HMCN1: variants seen among roughly 807,000 people sequenced by gnomAD.
HMCN1 encodes the protein hemicentin 1.
HMCN1 carries 321 observed loss-of-function variants against 625.9 expected under a neutral mutation model. That is an observed-to-expected ratio of 0.51 (90% confidence interval 0.47 to 0.56). The LOEUF (loss-of-function observed/expected upper bound fraction) is 0.56, where lower values mean the gene tolerates loss of function less well. Among genes scored for constraint, HMCN1 ranks in the 20% least tolerant of loss-of-function variants. The pLI is 0.00. For synonymous variants in HMCN1, 2,425 were observed against 2,417.6 expected (o/e 1.00, Z -0.09); for missense variants, 6,588 against 6,887.3 (o/e 0.96, Z 1.54).
intron 1 of HMCN1, among the ~76,000 whole-genome samples, chr1:185,794,216 C>T (rs933492535): frequency 2.6e-5 from 4 of 152,114 alleles, no homozygotes; most frequent in Middle Eastern, 3.4e-3. Flanking sequence ...GCAAGAACAT[C>T]CTAACAAGTC....
intron 1 of HMCN1, among the ~76,000 whole-genome samples, chr1:185,792,530 G>A (rs931073252): frequency 6.6e-6 from 1 of 151,800 alleles, no homozygotes; most frequent in Non-Finnish European, 1.5e-5. Context: ...ATTCTATTCA[G>A]CCCCAGAATC....
chr1:185,876,363 A>T (rs1663930813), intron 4 of HMCN1, among the ~76,000 whole-genome samples: 1 of 152,048 alleles, frequency 6.6e-6, no homozygotes, highest in African/African-American at 2.4e-5. Flanking sequence ...TAGTGCTATG[A>T]TAAACATAGG....
In HMCN1 at chr1:186,189,698, G is replaced by A. The variant is rs749265997; in HGVS notation, c.16728G>A (p.Gln5576=). Residue 5576 remains glutamine (Q), a synonymous_variant, in exon 107 of 107, where the codon CAG becomes CAA. Transcript: ENST00000271588. The stretch of plus-strand genomic sequence containing the variant: ...CTTTCCTCATGGTAGATGAGGAACA[G>A]ACTGTTCCTTTTGCCTTGAGGGATG... ...RTTFLMVDEE[Q]TVPFALRDEN... 1.2e-5 allele frequency: 19 copies of A among 1,613,416 alleles called. No homozygotes were observed. The East Asian group carries it at 3.8e-4, about 32-fold the overall frequency.
intron 2 of HMCN1, among the ~76,000 whole-genome samples, chr1:185,853,216 T>C (rs2102333056): frequency 6.6e-6 from 1 of 152,272 alleles, no homozygotes; most frequent in East Asian, 1.9e-4. Context: ...ATTTCTCAAA[T>C]ATTTTTACTT....
chr1:186,094,058 G>C (rs1659993240), intron 66 of HMCN1, among the ~76,000 whole-genome samples: 1 of 151,958 alleles, frequency 6.6e-6, no homozygotes. Context: ...CTCTTAAATT[G>C]TGCTATATTT....
intron 2 of HMCN1, among the ~76,000 whole-genome samples, chr1:185,858,833 C>T (rs1431370033): frequency 6.6e-6 from 1 of 151,434 alleles, no homozygotes; most frequent in African/African-American, 2.4e-5. Flanking sequence ...TCCATTACTT[C>T]CAATTTTTAA....
At chr1:186,096,045 A>G (rs1400983072) in intron 68 of HMCN1, among the ~76,000 whole-genome samples, 1 of 152,174 alleles carries the variant, frequency 6.6e-6, no homozygotes, top group Non-Finnish European at 1.5e-5. Context: ...CCTTGAAGTA[A>G]AAAATGCTAA....
intron 1 of HMCN1, among the ~76,000 whole-genome samples, chr1:185,777,420 T>C (rs1361331974): frequency 6.6e-6 from 1 of 152,130 alleles, no homozygotes; most frequent in African/African-American, 2.4e-5. Context: ...GATCTCAGTA[T>C]GCACAACTGC....
intron 97 of HMCN1, 125 bp from the exon 98 acceptor site, chr1:186,164,986 C>A: frequency 1.2e-6 from 1 of 819,584 alleles, no homozygotes; most frequent in Admixed American, 2.0e-5. Flanking sequence ...CTTATTTTCA[C>A]CTATTGCATT....
intron 20 of HMCN1, 35 bp downstream of exon 20, chr1:185,987,579 CA>C (rs760064095): frequency 9.9e-6 from 14 of 1,421,018 alleles, no homozygotes; most frequent in Non-Finnish European, 1.3e-5. Flanking sequence ...TCCTGAAGAG[CA>C]GAGTGTGAAG....
At chr1:186,033,513 C>A (rs1376321874) in intron 36 of HMCN1, among the ~76,000 whole-genome samples, 1 of 152,070 alleles carries the variant, frequency 6.6e-6, no homozygotes, top group East Asian at 1.9e-4. Flanking sequence ...CTCTAAATTA[C>A]TTAATTCCCA....
intron 11 of HMCN1, among the ~76,000 whole-genome samples, chr1:185,938,038 A>C (rs1242751506): frequency 6.6e-6 from 1 of 151,800 alleles, no homozygotes; most frequent in Non-Finnish European, 1.5e-5. Context: ...CTATATAAAA[A>C]ATCATGGATG....
rs1661400025 is a variant in HMCN1 at position 186,121,564 on chromosome 1, G to T, written c.12230-1387G>T. On this transcript the variant is annotated intron_variant, in intron 80 of 106. Coordinates refer to ENST00000271588, the MANE Select transcript of HMCN1 (RefSeq NM_031935.3). ...GACTTAAGCTAGTGAGTAGATGATA[G>T]TGCCATGTTGGAACGCAAGGGGAAG... Among the ~76,000 whole-genome samples, 3 of 152,236 alleles carry T rather than the reference G, an allele frequency of 2.0e-5. No individual in the cohort carries two copies. The South Asian group carries it at 6.2e-4, about 32-fold the overall frequency.
chr1:185,834,884 G>A (rs561697998), intron 1 of HMCN1, among the ~76,000 whole-genome samples: 159 of 152,236 alleles, frequency 1.0e-3, no homozygotes, highest in African/African-American at 3.7e-3. Context: ...GACCCAAGTT[G>A]AATCTTGAAG....
chr1:185,931,484 C>T (rs1038710060), intron 10 of HMCN1, among the ~76,000 whole-genome samples: 3 of 152,090 alleles, frequency 2.0e-5, no homozygotes, highest in Admixed American at 6.6e-5. Flanking sequence ...GTGGTGGTGT[C>T]GTATGCCATT....
Position 186,015,317 on chromosome 1 carries a change from A to G in HMCN1, c.4789A>G (p.Ile1597Val), listed in dbSNP as rs771957639. ...CATGTCCAGCTCACAAGCACTTTAT[A>G]TTGATAAAGGACAATATCTTCATAT... ...PIMSSSQALY[I>V]DKGQYLHIPR... Residue 1597 changes from isoleucine to valine, a missense_variant, in exon 31 of 107, where the codon ATT becomes GTT. Ile to Val is a conservative substitution (Grantham distance 29). Around this residue, in one of 3 missense-constraint regions of HMCN1, gnomAD observed 4,628 missense variants for 4,853.1 expected, o/e 0.95. Transcript: ENST00000271588. 6 of 1,613,672 alleles carry G rather than the reference A, an allele frequency of 3.7e-6. No homozygotes were observed. The highest frequency in any genetic ancestry group is 1.1e-5 in the South Asian group (1 of 91,090).
intron 11 of HMCN1, among the ~76,000 whole-genome samples, chr1:185,950,884 G>A (rs1351035544): frequency 2.6e-4 from 40 of 151,196 alleles, no homozygotes; most frequent in Admixed American, 4.6e-4. Flanking sequence ...TGGTTGATAA[G>A]GTGCAGATCC....
intron 89 of HMCN1, among the ~76,000 whole-genome samples, chr1:186,143,562 G>T (rs1397404036): frequency 6.6e-6 from 1 of 152,202 alleles, no homozygotes; most frequent in Non-Finnish European, 1.5e-5. Context: ...TGTTTAGGAA[G>T]CAGGTTAGTA....
At chr1:185,924,813 T>G (rs1018167594) in intron 8 of HMCN1, among the ~76,000 whole-genome samples, 1 of 152,104 alleles carries the variant, frequency 6.6e-6, no homozygotes, top group Non-Finnish European at 1.5e-5. Flanking sequence ...CTATGATGTC[T>G]TAGATTCAAT....
Sources: allele counts gnomAD v4.1 joint callset (sites outside exome capture counted in the v4.1 genomes callset), GRCh38; gene constraint gnomAD v4.1.1; regional missense constraint gnomAD v4.1.1; transcripts MANE v1.5; gene names NCBI Gene and HGNC (gene_info 2026-07-23, HGNC 2026-07-21).